Variants in GPR141 observed in about 807,000 individuals in gnomAD.
GPR141 encodes the protein probable G protein-coupled receptor 141.
GPR141 carries 6 observed loss-of-function variants against 6.8 expected under a neutral mutation model. That is an observed-to-expected ratio of 0.88 (90% CI 0.48 to 1.74). GPR141 has a LOEUF of 1.74. Among genes scored for constraint, GPR141 ranks in the 40% most tolerant of loss-of-function variants. GPR141 has a pLI of 0.01. For synonymous variants in GPR141, 140 were observed against 142.3 expected (o/e 0.98, Z 0.11); for missense variants, 372 against 372.9 (o/e 1.00, Z 0.02).
In GPR141 at chr7:37,694,962, C is replaced by T. The variant is rs779818290; in HGVS notation, c.-15+9379C>T. Reference sequence around the variant, plus strand: ...TAGATAAAGGAATTCCACTAAGGCACCATTTTCCCAGCAGGCAGTGTACAG... The same window carrying T: ...TAGATAAAGGAATTCCACTAAGGCATCATTTTCCCAGCAGGCAGTGTACAG... On this transcript the variant is annotated intron_variant, in intron 2 of 2. Coordinates refer to ENST00000334425, the MANE Select transcript of GPR141 (RefSeq NM_001381946.1). Among the ~76,000 whole-genome samples the T allele has an allele frequency of 2.6e-5, 4 of 152,158 alleles. No individual in the cohort carries two copies. In the South Asian group the frequency reaches 8.3e-4, roughly 32 times the overall value.
chr7:37,696,127 C>T (rs184380569), intron 2 of GPR141, among the ~76,000 whole-genome samples: 89 of 152,244 alleles, frequency 5.8e-4, no homozygotes, highest in African/African-American at 2.0e-3. Flanking sequence ...AGTGTGAAAG[C>T]AATACTCAGT....
At chr7:37,730,928 G>A (rs772612977) in intron 2 of GPR141, among the ~76,000 whole-genome samples, 6 of 152,170 alleles carry the variant, frequency 3.9e-5, no homozygotes, top group Non-Finnish European at 7.3e-5. Context: ...GAAAAGGCTC[G>A]AAATTTCCTT....
chr7:37,734,023 T>C (rs1251510282), intron 2 of GPR141, among the ~76,000 whole-genome samples: 1 of 151,554 alleles, frequency 6.6e-6, no homozygotes, highest in Non-Finnish European at 1.5e-5. Flanking sequence ...AATACAAAAG[T>C]TAGGCCAGGC....
chr7:37,688,067 A>G (rs1182851746), intron 2 of GPR141, among the ~76,000 whole-genome samples: 1 of 152,086 alleles, frequency 6.6e-6, no homozygotes, highest in African/African-American at 2.4e-5. Context: ...GTTTACAAAA[A>G]CGAGTGGCCA....
At chr7:37,722,967 CTTCCTTCCTTCCTTCT>C (rs1415268546) in intron 2 of GPR141, among the ~76,000 whole-genome samples, 23 of 120,412 alleles carry the variant, frequency 1.9e-4, no homozygotes, top group African/African-American at 4.9e-4. Context: ...TCCTTCCTTC[CTTCCTTCCTTCCTTCT>C]TTCTTTCTTT....
chr7:37,712,041 A>T (rs1008607757), intron 2 of GPR141, among the ~76,000 whole-genome samples: 1 of 152,170 alleles, frequency 6.6e-6, no homozygotes, highest in African/African-American at 2.4e-5. Context: ...TAGGATTTTA[A>T]AGTTGCTAGA....
intron 2 of GPR141, among the ~76,000 whole-genome samples, chr7:37,716,340 G>A (rs562999864): frequency 1.3e-5 from 2 of 152,206 alleles, no homozygotes; most frequent in Admixed American, 6.5e-5. Flanking sequence ...CTATTAGAGT[G>A]AGAAGGAGAA....
intron 2 of GPR141, among the ~76,000 whole-genome samples, chr7:37,712,942 C>T (rs368319708): frequency 6.6e-6 from 1 of 152,146 alleles, no homozygotes; most frequent in East Asian, 1.9e-4. Flanking sequence ...CTTCATGTGT[C>T]TTCATCTTCC....
chr7:37,709,705 C>G (rs1370623105), intron 2 of GPR141: 1 of 152,258 alleles, frequency 6.6e-6, no homozygotes, highest in Non-Finnish European at 1.5e-5. Flanking sequence ...GTTGTCCACA[C>G]AACTTATTAA....
intron 2 of GPR141, among the ~76,000 whole-genome samples, chr7:37,736,778 T>C (rs1169111810): frequency 6.6e-6 from 1 of 152,090 alleles, no homozygotes; most frequent in East Asian, 1.9e-4. Context: ...CCTAAGAAAT[T>C]TGTACTGAAA....
At chr7:37,696,804 G>A (rs897267983) in intron 2 of GPR141, among the ~76,000 whole-genome samples, 8 of 151,912 alleles carry the variant, frequency 5.3e-5, no homozygotes, top group South Asian at 2.1e-4. Flanking sequence ...TTAAACAATC[G>A]TCACATTAAT....
rs1562764851 is a variant in GPR141, at chr7:37,691,287, C to CTTT, written c.-15+5704_-15+5705insTTT. On this transcript the variant is annotated intron_variant, in intron 2 of 2. Coordinates refer to ENST00000334425, the MANE Select transcript of GPR141 (RefSeq NM_001381946.1). Reference sequence around the variant, plus strand: ...TTTAACCTAGTTACCCAGTCTATATCCTTTTTTTTTTTTTTTTTTTTTTTT... The same window carrying CTTT: ...TTTAACCTAGTTACCCAGTCTATATCTTTCTTTTTTTTTTTTTTTTTTTTTTTT... Among the ~76,000 whole-genome samples the CTTT allele has an allele frequency of 9.5e-4, 89 of 93,668 alleles. 4 individuals are homozygous for CTTT. The highest frequency in any genetic ancestry group is 2.0e-3 in the East Asian group (5 of 2,550). 61.4% of individuals were successfully genotyped at this position (93,668 alleles called of 152,430 possible).
intron 2 of GPR141, among the ~76,000 whole-genome samples, chr7:37,712,462 C>T (rs1433152425): frequency 6.6e-6 from 1 of 152,130 alleles, no homozygotes; most frequent in Non-Finnish European, 1.5e-5. Flanking sequence ...GTGTTGCCTA[C>T]TGAATATTGC....
In GPR141 at chr7:37,741,276, A is replaced by T. The variant is rs748484853; in HGVS notation, c.883A>T (p.Ile295Leu). The part of the protein sequence containing the change: ...FGGSHWFKQK[I>L]IGLWNCVLCR ...GGGAAGCCATTGGTTTAAGCAAAAG[A>T]TAATTGGCTTATGGAATTGTGTTTT... The change falls in exon 3 of 3, where the codon ATA becomes TTA. Residue 295 changes from isoleucine (I) to leucine (L), a missense_variant. By Grantham distance (5) the Ile-to-Leu change is conservative. Coordinates refer to ENST00000334425, the MANE Select transcript of GPR141 (RefSeq NM_001381946.1). The T allele has an allele frequency of 2.5e-6, 4 of 1,601,282 alleles. No individual in the cohort carries two copies. Among genetic ancestry groups the T allele is most frequent in the Non-Finnish European group, 3.4e-6 (4 of 1,172,238 alleles).
intron 2 of GPR141, among the ~76,000 whole-genome samples, chr7:37,693,146 T>G (rs1274537354): frequency 6.6e-6 from 1 of 152,240 alleles, no homozygotes; most frequent in Non-Finnish European, 1.5e-5. Context: ...GGCTTTATAT[T>G]TAAGTCTTTA....
At chr7:37,708,280 C>G (rs891568646) in intron 2 of GPR141, among the ~76,000 whole-genome samples, 1 of 105,608 alleles carries the variant, frequency 9.5e-6, no homozygotes, top group South Asian at 3.4e-4. Context: ...GCCAGCATTT[C>G]TTTCATACTG....
At chr7:37,698,129 C>G (rs1339155913) in intron 2 of GPR141, among the ~76,000 whole-genome samples, 1 of 152,268 alleles carries the variant, frequency 6.6e-6, no homozygotes, top group South Asian at 2.1e-4. Context: ...CTATTGAGTA[C>G]TTTAAAGAAA....
intron 2 of GPR141, among the ~76,000 whole-genome samples, chr7:37,691,645 G>T (rs933446326): frequency 3.9e-5 from 6 of 151,986 alleles, no homozygotes; most frequent in African/African-American, 1.5e-4. Context: ...GCATGTTTTC[G>T]TGATGATTGT....
At chr7:37,731,673 C>A (rs564704364) in intron 2 of GPR141, among the ~76,000 whole-genome samples, 18 of 152,302 alleles carry the variant, frequency 1.2e-4, no homozygotes, top group African/African-American at 3.4e-4. Flanking sequence ...AGGATGGTCT[C>A]AATCTCCTGA....
Sources: allele counts gnomAD v4.1 joint callset (sites outside exome capture counted in the v4.1 genomes callset), GRCh38; gene constraint gnomAD v4.1.1; transcripts MANE v1.5; gene names NCBI Gene and HGNC (gene_info 2026-07-23, HGNC 2026-07-21).